The following TPO variants were observed in gnomAD, a reference collection of about 807,000 sequenced individuals.
TPO encodes thyroid peroxidase.
A neutral mutation model predicts 96.9 loss-of-function variants in TPO; 78 were observed. The observed-to-expected ratio is 0.81, with a 90% CI of 0.67 to 0.97. The LOEUF (loss-of-function observed/expected upper bound fraction) is 0.97, where lower values mean the gene tolerates loss of function less well. Among genes scored for constraint, TPO ranks in the 50% least tolerant of loss-of-function variants. TPO has a pLI of 0.00. For synonymous variants in TPO, 547 were observed against 538.0 expected (o/e 1.02, Z -0.23); for missense variants, 1,252 against 1,274.8 (o/e 0.98, Z 0.27).
chr2:1,462,471 G>T (rs1172726100), intron 7 of TPO, among the ~76,000 whole-genome samples: 1 of 151,624 alleles, frequency 6.6e-6, no homozygotes, highest in East Asian at 1.9e-4. Flanking sequence ...AACACCCGAT[G>T]TGAACAAGAA....
At chr2:1,412,908 T>C (rs1662505985), upstream of TPO, among the ~76,000 whole-genome samples, 1 of 149,734 alleles carries the variant, frequency 6.7e-6, no homozygotes, top group African/African-American at 2.5e-5. Flanking sequence ...ACTCTTTTGA[T>C]GGGTGCATGA....
At chr2:1,484,013 C>T (rs1242244032) in intron 8 of TPO, among the ~76,000 whole-genome samples, 1 of 152,162 alleles carries the variant, frequency 6.6e-6, no homozygotes, top group Non-Finnish European at 1.5e-5. Context: ...CCAAAATATT[C>T]CCCTTAAATA....
chr2:1,385,191 C>T (rs1313272612), intron 1 of TPO, among the ~76,000 whole-genome samples: 2 of 152,236 alleles, frequency 1.3e-5, no homozygotes, highest in East Asian at 3.9e-4. Context: ...GTGTCTCTGC[C>T]AGGCTTTGGT....
At chr2:1,451,144 C>G (rs963364586) in intron 5 of TPO, among the ~76,000 whole-genome samples, 152 of 152,298 alleles carry the variant, frequency 1.0e-3, no homozygotes, top group Non-Finnish European at 7.2e-4. Context: ...AAAAGCTCCT[C>G]TCCTCTAATG....
chr2:1,422,301 G>GCGCCGCGCTGGACCGACCTCGTGCAGC (rs1663650151), intron 2 of TPO, among the ~76,000 whole-genome samples: 1 of 124,008 alleles, frequency 8.1e-6, no homozygotes, highest in Non-Finnish European at 1.7e-5. Context: ...GACCCCGCAG[G>GCGCCGCGCTGGACCGACCTCGTGCAGC]CGCCTCTCCT....
rs140731750 is a variant in TPO, at chr2:1,414,522, C to A, written c.94+20C>A. On this transcript the variant is annotated intron_variant, in intron 2 of 16. Transcript: ENST00000329066. The stretch of plus-strand genomic sequence containing the variant: ...TTTGGGGTAAGTAGCAAACACATTG[C>A]GGTCTTCTGGCCTTATAAAGTTATT... The A allele has an allele frequency of 1.9e-6, 3 of 1,608,334 alleles. No individual in the cohort carries two copies. Among genetic ancestry groups the A allele is most frequent in the South Asian group, 2.2e-5 (2 of 90,574 alleles).
At chr2:1,435,335 T>A (rs1022690063) in intron 4 of TPO, among the ~76,000 whole-genome samples, 3 of 152,230 alleles carry the variant, frequency 2.0e-5, no homozygotes, top group Admixed American at 6.5e-5. Flanking sequence ...GAATGCGTAA[T>A]CCTCCACTAA....
Position 1,496,715 on chromosome 2 carries a change from A to G in TPO, c.2336A>G (p.Gln779Arg). 4 of 1,614,202 alleles carry G rather than the reference A, an allele frequency of 2.5e-6. No homozygotes were observed. The highest frequency in any genetic ancestry group is 3.4e-6 in the Non-Finnish European group (4 of 1,180,050). The part of the protein sequence containing the change: ...RHGYELQGRE[Q>R]LTCTQEGWDF... ...GGGTATGAGCTCCAAGGCCGGGAGCAGCTCACTTGCACCCAGGAAGGATGG... is the reference window on the plus strand; with the variant it reads ...GGGTATGAGCTCCAAGGCCGGGAGCGGCTCACTTGCACCCAGGAAGGATGG... Residue 779 changes from glutamine (Q) to arginine (R), a missense_variant, in exon 13 of 17, where the codon CAG becomes CGG. By Grantham distance (43) the Gln-to-Arg change is conservative (BLOSUM62 1). Coordinates refer to ENST00000329066, the MANE Select transcript of TPO (RefSeq NM_001206744.2).
chr2:1,413,996 T>G (rs1441780681), intron 1 of TPO, among the ~76,000 whole-genome samples: 2 of 152,248 alleles, frequency 1.3e-5, no homozygotes, highest in Non-Finnish European at 2.9e-5. Context: ...ATCACTTTTA[T>G]AAAGACTAAA....
At position 1,480,956 on chromosome 2, in the gene TPO, C is replaced by T. The variant is rs866435116; in HGVS notation, c.1338+3352C>T. Among the ~76,000 whole-genome samples, 5 of 151,062 alleles carry T rather than the reference C, an allele frequency of 3.3e-5. No homozygotes were observed. In the South Asian group the frequency reaches 1.0e-3, roughly 32 times the overall value. On this transcript the variant is annotated intron_variant, in intron 8 of 16. Transcript: ENST00000329066. ...GCTGAGAGCTATCCCCTCCCTCAGC[C>T]CTGGGCCACAGGACTTCTGCTGTGG... is the stretch of plus-strand genomic sequence containing the variant.
intron 14 of TPO, among the ~76,000 whole-genome samples, chr2:1,509,697 G>T (rs1435995894): frequency 1.4e-5 from 1 of 70,846 alleles, no homozygotes; most frequent in African/African-American, 6.4e-5. Context: ...CTGGTTTCAG[G>T]CACACCCCCC....
rs140385529 is a variant in TPO, at chr2:1,491,205, C to T, written c.1769-2597C>T. ...AAAAAAACACTTTTTTTTGCATTCC[C>T]GTTTCTGCAGTGTCTCCCACAGGCA... On this transcript the variant is annotated intron_variant, in intron 10 of 16. Coordinates refer to ENST00000329066, the MANE Select transcript of TPO (RefSeq NM_001206744.2). 1.5e-3 allele frequency among the ~76,000 whole-genome samples: 222 copies of T among 151,804 alleles called. 1 individual carries two copies. Among genetic ancestry groups the T allele is most frequent in the African/African-American group, 5.2e-3 (216 of 41,442 alleles).
intron 7 of TPO, among the ~76,000 whole-genome samples, chr2:1,459,004 T>C (rs1246764108): frequency 6.6e-6 from 1 of 151,998 alleles, no homozygotes; most frequent in Non-Finnish European, 1.5e-5. Context: ...ACGGTGGAGG[T>C]GCCTGTGGAA....
chr2:1,540,501 C>T (rs1680608932), intron 15 of TPO, 93 bp from the exon 16 acceptor site: 2 of 1,599,152 alleles, frequency 1.3e-6, no homozygotes, highest in Non-Finnish European at 1.7e-6. Flanking sequence ...AAGACAAGCA[C>T]GGCTGCCTTG....
chr2:1,527,522 C>A (rs1676874131), intron 15 of TPO, among the ~76,000 whole-genome samples: 1 of 145,302 alleles, frequency 6.9e-6, no homozygotes, highest in Admixed American at 6.8e-5. Flanking sequence ...CCAGTGTGTG[C>A]AACTTCCCTA....
chr2:1,378,844 G>A (rs909211569), intron 1 of TPO, among the ~76,000 whole-genome samples: 2 of 152,132 alleles, frequency 1.3e-5, no homozygotes, highest in Non-Finnish European at 2.9e-5. Context: ...TTGGCAGAGG[G>A]CTCTGATTGG....
At chr2:1,540,799 G>GCTGGGGCTCCCTGCATATTTCTGTTTA in intron 16 of TPO, 76 bp downstream of exon 16, 1 of 1,611,330 alleles carries the variant, frequency 6.2e-7, no homozygotes, top group Non-Finnish European at 8.5e-7. Flanking sequence ...GAGCAGCTCT[G>GCTGGGGCTCCCTGCATATTTCTGTTTA]CTGGGGCTCC....
At chr2:1,403,907 A>G (rs569715660) in intron 1 of TPO, among the ~76,000 whole-genome samples, 1 of 152,328 alleles carries the variant, frequency 6.6e-6, no homozygotes, top group South Asian at 2.1e-4. Context: ...CTGCATGGTC[A>G]GGATGAGCAC....
chr2:1,404,331 A>G (rs1011474639), intron 1 of TPO, among the ~76,000 whole-genome samples: 1 of 152,148 alleles, frequency 6.6e-6, no homozygotes, highest in Non-Finnish European at 1.5e-5. Flanking sequence ...AGGAGTAGAC[A>G]GGGCCTCCTC....
Sources: allele counts gnomAD v4.1 joint callset (sites outside exome capture counted in the v4.1 genomes callset), GRCh38; gene constraint gnomAD v4.1.1; transcripts MANE v1.5; gene names NCBI Gene and HGNC (gene_info 2026-07-23, HGNC 2026-07-21).